The following MAP4 variants were observed in gnomAD, a reference collection of about 807,000 sequenced individuals.
MAP4 encodes microtubule-associated protein 4.
Under a neutral mutation model 170.2 loss-of-function variants are expected in MAP4, and 76 were observed. The ratio of observed to expected loss-of-function variants is 0.45; its 90% CI spans 0.37 to 0.54. The LOEUF is 0.54. Ranked by LOEUF, MAP4 falls within the 20% of genes least tolerant of loss-of-function variation. MAP4 has a pLI of 0.00. For synonymous variants in MAP4, 909 were observed against 994.5 expected (o/e 0.91, Z 1.62); for missense variants, 2,506 against 2,748.0 (o/e 0.91, Z 1.97).
chr3:47,931,854 C>T (rs1375060175), intron 3 of MAP4: 2 of 151,478 alleles, frequency 1.3e-5, no homozygotes, highest in African/African-American at 4.9e-5. Context: ...AAGAGTGGAA[C>T]GTGGAGTTCA....
At chr3:47,906,499 C>T (rs933744725) in intron 9 of MAP4, among the ~76,000 whole-genome samples, 1 of 151,878 alleles carries the variant, frequency 6.6e-6, no homozygotes, top group Admixed American at 6.6e-5. Flanking sequence ...GCCTGACCAA[C>T]ATGGAGAAAC....
intron 3 of MAP4, among the ~76,000 whole-genome samples, chr3:47,932,842 T>C (rs573062731): frequency 6.6e-6 from 1 of 152,160 alleles, no homozygotes; most frequent in African/African-American, 2.4e-5. Context: ...AGTAATCCTC[T>C]TGCCTCTGCA....
intron 1 of MAP4, among the ~76,000 whole-genome samples, chr3:48,052,817 G>A (rs970417430): frequency 1.3e-5 from 2 of 152,120 alleles, no homozygotes; most frequent in African/African-American, 2.4e-5. Flanking sequence ...TGCACAGAAC[G>A]GCTAAGAGGA....
Position 47,911,643 on chromosome 3 carries a change from T to C in MAP4, c.2778A>G (p.Gly926=). The C allele has an allele frequency of 1.3e-6, 2 of 1,535,936 alleles. No individual in the cohort carries two copies. The highest frequency in any genetic ancestry group is 1.2e-5 in the South Asian group (1 of 84,052). ...SQSVGPLNLK[G]PLAEVSAYNV... ...TGTATGCAGAAACTTCTGCTAGGGG[T>C]CCTTTCAGATTGAGAGGGCCTACTG... The change falls in exon 9 of 21, where the codon GGA becomes GGG. Residue 926 remains glycine, a synonymous_variant. Coordinates refer to ENST00000683076, the MANE Select transcript of MAP4 (RefSeq NM_001385682.1). The surrounding 1 kb of genome is among the most constrained non-coding windows in gnomAD (Gnocchi z 4.0).
At chr3:47,928,470 C>G in intron 3 of MAP4, 120 bp from the exon 4 acceptor site, 1 of 1,015,390 alleles carries the variant, frequency 9.8e-7, no homozygotes, top group East Asian at 2.4e-5. Context: ...TAGCTAGTGT[C>G]TTACAAGAAA....
rs1266527337 is a variant in MAP4 at position 47,910,652 on chromosome 3, T to A, written c.3769A>T (p.Ser1257Cys). The A allele has an allele frequency of 2.0e-6, 3 of 1,536,152 alleles. No homozygotes were observed. The Admixed American group carries it at 5.9e-5, about 30-fold the overall frequency. ...GGGAAAGTAAATCCTATTTCCTTGC[T>A]TTTATGGGGAATACTACCAGTATCT... ...DGDTGSIPHK[S>C]KEIGFTFPKM... The change falls in exon 9 of 21, where the codon AGC (serine) becomes TGC (cysteine). Residue 1257 changes from serine (S) to cysteine (C), a missense_variant. By Grantham distance (112) the Ser-to-Cys change is moderately radical. Around this residue, in one of 3 missense-constraint regions of MAP4, gnomAD observed 2,008 missense variants for 2,206.0 expected, o/e 0.91. Coordinates refer to ENST00000683076, the MANE Select transcript of MAP4 (RefSeq NM_001385682.1).
chr3:47,890,788 C>G (rs1445887589), intron 10 of MAP4, among the ~76,000 whole-genome samples: 1 of 152,168 alleles, frequency 6.6e-6, no homozygotes, highest in Non-Finnish European at 1.5e-5. Context: ...CTTGCACACT[C>G]AATTCACATT....
intron 10 of MAP4, among the ~76,000 whole-genome samples, chr3:47,886,914 T>TG (rs1462450313): frequency 6.6e-6 from 1 of 152,268 alleles, no homozygotes; most frequent in Non-Finnish European, 1.5e-5. Flanking sequence ...TTCAACTCTT[T>TG]GTCTTCCAGT....
chr3:47,948,735 C>T (rs955813307), intron 3 of MAP4, among the ~76,000 whole-genome samples: 1 of 152,106 alleles, frequency 6.6e-6, no homozygotes, highest in African/African-American at 2.4e-5. Flanking sequence ...AGTTCTCTGC[C>T]TCAGCCTCCC....
chr3:48,083,490 C>T (rs1039724454), intron 1 of MAP4, among the ~76,000 whole-genome samples: 2 of 151,794 alleles, frequency 1.3e-5, no homozygotes, highest in Non-Finnish European at 2.9e-5. Context: ...CTCAGCTTCC[C>T]GAGTAGCTGG....
chr3:47,997,914 G>A (rs1017783235), intron 2 of MAP4, among the ~76,000 whole-genome samples: 1 of 152,178 alleles, frequency 6.6e-6, no homozygotes, highest in Admixed American at 6.5e-5. Context: ...ATAGTTCTAT[G>A]ATCTCTGAAA....
intron 2 of MAP4, among the ~76,000 whole-genome samples, chr3:47,986,055 G>A (rs2100088454): frequency 6.6e-6 from 1 of 152,250 alleles, no homozygotes; most frequent in Non-Finnish European, 1.5e-5. Flanking sequence ...GTGCAAAACA[G>A]TAATGATAAA....
intron 4 of MAP4, among the ~76,000 whole-genome samples, chr3:47,925,805 A>G (rs1016955983): frequency 6.6e-6 from 1 of 152,216 alleles, no homozygotes; most frequent in Admixed American, 6.5e-5. Context: ...GAATCTGGTT[A>G]TGGTTATAAC....
In MAP4 at chr3:47,916,664, A is replaced by G. The variant is rs145195248; in HGVS notation, c.1163T>C (p.Met388Thr). The G allele has an allele frequency of 2.5e-6, 4 of 1,613,860 alleles. No homozygotes were observed. The African/African-American group carries it at 4.0e-5, about 16-fold the overall frequency. Reference protein sequence around the residue: ...KETERASPIKMDLAPSKDMGP... With the variant: ...KETERASPIKTDLAPSKDMGP... ...CATGTCCTTGGAAGGAGCCAAGTCC[A>G]TTTTTATAGGAGATGCCCTCTCTGT... is the stretch of plus-strand genomic sequence containing the variant. Residue 388 changes from methionine to threonine, a missense_variant, in exon 7 of 21, where the codon ATG (methionine) becomes ACG (threonine). Physicochemically the swap from Met to Thr is moderately conservative, Grantham distance 81. Transcript: ENST00000683076.
intron 1 of MAP4, among the ~76,000 whole-genome samples, chr3:48,065,520 ACACCCCAC>A (rs2100137910): frequency 6.9e-6 from 1 of 144,562 alleles, no homozygotes; most frequent in Non-Finnish European, 1.5e-5. Flanking sequence ...GCCTTATAAG[ACACCCCAC>A]CATATACCTC....
In MAP4 at chr3:47,966,228, C is replaced by CTTTT. The variant is rs757460367; in HGVS notation, c.292+11633_292+11636dup. Among the ~76,000 whole-genome samples the CTTTT allele has an allele frequency of 2.1e-3, 108 of 50,258 alleles. 23 individuals are homozygous for CTTTT. The highest frequency in any genetic ancestry group is 4.5e-3 in the East Asian group (5 of 1,118). 33.0% of individuals were successfully genotyped at this position (50,258 alleles called of 152,430 possible). A position where few individuals can be genotyped will look rare whatever the true frequency, so the allele number is the denominator to read the frequency against. ...AGCTGGGACTACAGGCCCACACTAC[C>CTTTT]TTTTTTTTTTTTTTTTTTTTTTTTT... On this transcript the variant is annotated intron_variant, in intron 3 of 20. Transcript: ENST00000683076.
chr3:48,065,667 G>C (rs944909934), intron 1 of MAP4, among the ~76,000 whole-genome samples: 1 of 152,210 alleles, frequency 6.6e-6, no homozygotes, highest in African/African-American at 2.4e-5. Flanking sequence ...ATCCCTGTAT[G>C]CACTGGCATC....
intron 3 of MAP4, chr3:47,974,465 A>G (rs1440455921): frequency 1.0e-6 from 1 of 984,474 alleles, no homozygotes; most frequent in Non-Finnish European, 1.2e-6. Context: ...TTCTCAGAAC[A>G]TGGTGCCAAT....
At chr3:48,055,502 A>G (rs1579622538) in intron 1 of MAP4, among the ~76,000 whole-genome samples, 1 of 147,726 alleles carries the variant, frequency 6.8e-6, no homozygotes, top group African/African-American at 2.5e-5. Context: ...TCGTTCACTC[A>G]GTGCTCAATG....
Sources: allele counts gnomAD v4.1 joint callset (sites outside exome capture counted in the v4.1 genomes callset), GRCh38; gene constraint gnomAD v4.1.1; regional missense constraint gnomAD v4.1.1; non-coding constraint Gnocchi (gnomAD v3.1); transcripts MANE v1.5; gene names NCBI Gene and HGNC (gene_info 2026-07-23, HGNC 2026-07-21).